EYS: variants seen among roughly 807,000 people sequenced by gnomAD.
EYS encodes the protein protein eyes shut homolog.
Under a neutral mutation model 282.1 loss-of-function variants are expected in EYS, and 250 were observed. That is an observed-to-expected ratio of 0.89 (90% CI 0.80 to 0.98). The LOEUF (loss-of-function observed/expected upper bound fraction) is 0.98. Among genes scored for constraint, EYS ranks in the 50% least tolerant of loss-of-function variants. The pLI, the probability that EYS is intolerant of heterozygous loss-of-function variation, is 0.00. For missense variants in EYS, 4,016 were observed against 3,709.0 expected (o/e 1.08, Z -2.15); for synonymous variants, 1,355 against 1,282.9 (o/e 1.06, Z -1.20).
chr6:64,939,161 A>G (rs958464253), intron 15 of EYS, among the ~76,000 whole-genome samples: 22 of 151,894 alleles, frequency 1.4e-4, no homozygotes, highest in African/African-American at 5.3e-4. Context: ...TAGAAAAGCC[A>G]ATATGAATAT....
At chr6:64,717,746 C>T (rs1455501221) in intron 22 of EYS, among the ~76,000 whole-genome samples, 5 of 152,126 alleles carry the variant, frequency 3.3e-5, no homozygotes, top group African/African-American at 4.8e-5. Context: ...TCTCAAAATT[C>T]CATCATGTAA....
At chr6:63,830,974 TAAGTG>T (rs1411357481) in intron 36 of EYS, among the ~76,000 whole-genome samples, 1 of 152,170 alleles carries the variant, frequency 6.6e-6, no homozygotes, top group Non-Finnish European at 1.5e-5. Context: ...CTAAGCTTCA[TAAGTG>T]AAGGAGAAAT....
chr6:64,962,177 T>C (rs911610414), intron 14 of EYS, among the ~76,000 whole-genome samples: 1 of 152,154 alleles, frequency 6.6e-6, no homozygotes, highest in African/African-American at 2.4e-5. Flanking sequence ...ACACTTGCTT[T>C]CTAGCCATTA....
At chr6:64,457,080 TTTGTC>T (rs567232103) in intron 26 of EYS, among the ~76,000 whole-genome samples, 22 of 152,126 alleles carry the variant, frequency 1.4e-4, no homozygotes, top group Middle Eastern at 3.4e-3. Flanking sequence ...TTCATTTTTG[TTTGTC>T]TTAAGAACAT....
chr6:63,755,752 C>T (rs1769463171), intron 41 of EYS, among the ~76,000 whole-genome samples: 1 of 152,154 alleles, frequency 6.6e-6, no homozygotes, highest in African/African-American at 2.4e-5. Context: ...AATGATTCTT[C>T]CTACCCATGA....
intron 35 of EYS, among the ~76,000 whole-genome samples, chr6:63,874,131 T>A (rs1772896007): frequency 6.6e-6 from 1 of 152,274 alleles, no homozygotes; most frequent in African/African-American, 2.4e-5. Flanking sequence ...GTTTTAGGCC[T>A]AACATTTAAG....
intron 26 of EYS, among the ~76,000 whole-genome samples, chr6:64,457,848 T>C (rs1775605140): frequency 6.6e-6 from 1 of 151,972 alleles, no homozygotes. Flanking sequence ...CCATTTACAT[T>C]CAGGGTAACT....
chr6:64,799,842 C>T (rs59229454), intron 22 of EYS, among the ~76,000 whole-genome samples: 2,321 of 151,776 alleles, frequency 0.015, 64 homozygotes, highest in African/African-American at 0.053. Context: ...GTTTAATCTG[C>T]AGTTTCTTTA....
chr6:64,784,765 T>G (rs967782335), intron 22 of EYS, among the ~76,000 whole-genome samples: 11 of 152,034 alleles, frequency 7.2e-5, no homozygotes, highest in East Asian at 1.9e-4. Flanking sequence ...AATTCTCGGG[T>G]TTTTTTTCCC....
At chr6:63,738,383 T>G (rs1193194576) in intron 41 of EYS, among the ~76,000 whole-genome samples, 10 of 152,072 alleles carry the variant, frequency 6.6e-5, no homozygotes, top group Admixed American at 6.5e-4. Flanking sequence ...GTGGCACATA[T>G]ACACCATGGA....
At position 65,399,565 on chromosome 6, in the gene EYS, A is replaced by G. The variant is rs150463730; in HGVS notation, c.1184+2913T>C. Reference sequence around the variant, plus strand: ...TCATTTTCATAGTCAGCAATATTACAGAAATATTTGATTTTCTTTTAGTAG... The same window carrying G: ...TCATTTTCATAGTCAGCAATATTACGGAAATATTTGATTTTCTTTTAGTAG... On this transcript the variant is annotated intron_variant, in intron 7 of 42. Transcript: ENST00000503581. 4.0e-3 allele frequency among the ~76,000 whole-genome samples: 605 copies of G among 152,210 alleles called. 3 individuals carry two copies. Among genetic ancestry groups the G allele is most frequent in the Middle Eastern group, 0.014 (4 of 294 alleles).
intron 8 of EYS, among the ~76,000 whole-genome samples, chr6:65,379,329 C>T (rs1043171752): frequency 3.3e-5 from 5 of 152,060 alleles, no homozygotes; most frequent in Non-Finnish European, 7.4e-5. Flanking sequence ...AATCAATAAA[C>T]ACAATCCATC....
intron 12 of EYS, among the ~76,000 whole-genome samples, chr6:65,204,992 T>C (rs1765996739): frequency 8.9e-6 from 1 of 112,038 alleles, no homozygotes; most frequent in South Asian, 2.5e-4. Context: ...AATATATTTA[T>C]ATATTCTAGA....
chr6:64,417,646 G>A (rs1017025880), intron 28 of EYS, among the ~76,000 whole-genome samples: 2 of 147,732 alleles, frequency 1.4e-5, no homozygotes, highest in African/African-American at 5.0e-5. Flanking sequence ...AGCAAATAAT[G>A]CATATTCTTA....
intron 22 of EYS, among the ~76,000 whole-genome samples, chr6:64,812,250 C>T (rs956601008): frequency 1.6e-4 from 24 of 151,464 alleles, no homozygotes; most frequent in Non-Finnish European, 3.2e-4. Context: ...TACACACACA[C>T]ACACACACAC....
chr6:64,495,831 A>G (rs1371306576), intron 26 of EYS, among the ~76,000 whole-genome samples: 16 of 151,780 alleles, frequency 1.1e-4, no homozygotes, highest in Admixed American at 7.2e-4. Flanking sequence ...ATTTCAATGA[A>G]CTTAATTAAA....
At chr6:64,675,987 A>T (rs1313151566) in intron 22 of EYS, among the ~76,000 whole-genome samples, 2 of 149,852 alleles carry the variant, frequency 1.3e-5, no homozygotes, top group Non-Finnish European at 3.0e-5. Context: ...ATAGATCTAT[A>T]TATGGACAGA....
chr6:65,527,604 C>G (rs1318172158), intron 2 of EYS, among the ~76,000 whole-genome samples: 2 of 152,224 alleles, frequency 1.3e-5, no homozygotes, highest in Non-Finnish European at 2.9e-5. Context: ...CCCAATAATA[C>G]AGATGCCTTC....
chr6:65,565,735 C>T (rs183886603), intron 2 of EYS, among the ~76,000 whole-genome samples: 293 of 152,004 alleles, frequency 1.9e-3, no homozygotes, highest in Non-Finnish European at 2.2e-3. Flanking sequence ...AAAGAAAATG[C>T]GGCACATATA....
Sources: gnomAD v4.1 joint callset for allele counts (sites outside exome capture counted in the v4.1 genomes callset) on GRCh38, gnomAD v4.1.1 for gene constraint, MANE v1.5 for transcripts, NCBI Gene and HGNC (gene_info 2026-07-23, HGNC 2026-07-21) for gene names.